SBF2: variants seen among roughly 807,000 people sequenced by gnomAD.
SBF2 encodes the protein myotubularin-related protein 13.
In SBF2, 112 loss-of-function variants were observed where a neutral mutation model predicts 225.2. The observed-to-expected ratio is 0.50, with a 90% CI of 0.43 to 0.58. The LOEUF (loss-of-function observed/expected upper bound fraction) is 0.58, where lower values mean the gene tolerates loss of function less well. SBF2 is among the 20% of genes least tolerant of loss of function. The pLI, the probability that SBF2 is intolerant of heterozygous loss-of-function variation, is 0.00. For missense variants in SBF2, 1,996 were observed against 2,206.2 expected (o/e 0.90, Z 1.91); for synonymous variants, 763 against 773.3 (o/e 0.99, Z 0.22).
chr11:10,285,929 C>T (rs113580272), intron 1 of SBF2, among the ~76,000 whole-genome samples: 1 of 152,190 alleles, frequency 6.6e-6, no homozygotes, highest in Admixed American at 6.5e-5. Flanking sequence ...AACAAGCACC[C>T]GAAAAGGTGT....
chr11:9,847,540 C>T (rs1000722677), intron 22 of SBF2, among the ~76,000 whole-genome samples: 1 of 150,598 alleles, frequency 6.6e-6, no homozygotes, highest in African/African-American at 2.4e-5. Flanking sequence ...AAATACTCCT[C>T]AAGTATTGAA....
chr11:10,191,293 T>A (rs1467732176), intron 2 of SBF2, among the ~76,000 whole-genome samples: 1 of 152,186 alleles, frequency 6.6e-6, no homozygotes. Flanking sequence ...GCAGGGTTAC[T>A]CAAGATCACA....
intron 16 of SBF2, among the ~76,000 whole-genome samples, chr11:9,936,648 A>G (rs1042676097): frequency 9.9e-5 from 15 of 152,210 alleles, no homozygotes; most frequent in African/African-American, 3.6e-4. Flanking sequence ...TTCATGTCCT[A>G]TGCAGGGATA....
chr11:9,839,572 A>G lies in SBF2; in HGVS notation c.3381T>C (p.Ser1127=), dbSNP rs1297352731. Residue 1127 remains serine, a synonymous_variant, in exon 26 of 40, where the codon AGT becomes AGC. Coordinates refer to ENST00000256190, the MANE Select transcript of SBF2 (RefSeq NM_030962.4). ...DYQRLGLGTI[S]GSSSRSRPEY... is the part of the protein sequence containing the mutation. ...CGGGTCTTGAACGGGAAGAGCTGCCACTTATGGTTCCTAAACCTAAACGCT... is the reference window on the plus strand; with the variant it reads ...CGGGTCTTGAACGGGAAGAGCTGCCGCTTATGGTTCCTAAACCTAAACGCT... 3 of 1,614,050 alleles carry G rather than the reference A, an allele frequency of 1.9e-6. No individual in the cohort carries two copies. Among genetic ancestry groups the G allele is most frequent in the Non-Finnish European group, 2.5e-6 (3 of 1,180,022 alleles).
intron 13 of SBF2, among the ~76,000 whole-genome samples, chr11:9,988,293 C>A (rs553066715): frequency 6.6e-6 from 1 of 152,234 alleles, no homozygotes; most frequent in South Asian, 2.1e-4. Flanking sequence ...AAACCTAGGA[C>A]CTGAAACTAT....
chr11:10,163,770 G>GT (rs2135219471), intron 2 of SBF2, among the ~76,000 whole-genome samples: 1 of 152,180 alleles, frequency 6.6e-6, no homozygotes, highest in African/African-American at 2.4e-5. Context: ...ATGGTTCCTG[G>GT]TATATAGTAT....
chr11:9,839,349 A>G lies in SBF2; in HGVS notation c.3455+149T>C, dbSNP rs71476850. On this transcript the variant is annotated intron_variant, in intron 26 of 39. Transcript: ENST00000256190. Reference sequence around the variant, plus strand: ...TAAGGTAATTGTTCCGAGAATGCCAATGAGATGCTTGCTCGTATCCTGGAG... The same window carrying G: ...TAAGGTAATTGTTCCGAGAATGCCAGTGAGATGCTTGCTCGTATCCTGGAG... The G allele has an allele frequency of 0.022, 17,374 of 804,826 alleles. 245 individuals carry two copies. Among genetic ancestry groups the G allele is most frequent in the Admixed American group, 0.034 (1,752 of 52,072 alleles). 49.9% of individuals were successfully genotyped at this position (804,826 alleles called of 1,614,324 possible).
chr11:10,183,370 G>T (rs1207057586), intron 2 of SBF2, among the ~76,000 whole-genome samples: 2 of 152,016 alleles, frequency 1.3e-5, no homozygotes, highest in Admixed American at 6.6e-5. Context: ...AAAAAATGGG[G>T]CTTATTGCTA....
intron 3 of SBF2, among the ~76,000 whole-genome samples, chr11:10,040,331 G>A (rs1389931243): frequency 6.6e-6 from 1 of 151,868 alleles, no homozygotes; most frequent in African/African-American, 2.4e-5. Flanking sequence ...GCCCTTAGAA[G>A]GAACACAGGT....
chr11:9,861,033 T>G (rs375898350), intron 17 of SBF2, among the ~76,000 whole-genome samples: 1 of 152,222 alleles, frequency 6.6e-6, no homozygotes, highest in South Asian at 2.1e-4. Context: ...TGAATGTCCC[T>G]TATCTGAAAT....
At chr11:10,032,620 A>G (rs192369124) in intron 3 of SBF2, among the ~76,000 whole-genome samples, 1 of 152,006 alleles carries the variant, frequency 6.6e-6, no homozygotes, top group Non-Finnish European at 1.5e-5. Context: ...CTCTCTACCC[A>G]CTTTCTCTGC....
chr11:9,803,588 C>A (rs374637714), intron 32 of SBF2, among the ~76,000 whole-genome samples: 70 of 152,160 alleles, frequency 4.6e-4, no homozygotes, highest in African/African-American at 1.6e-3. Flanking sequence ...TACATGAGAA[C>A]CTCCTATCTC....
intron 6 of SBF2, among the ~76,000 whole-genome samples, chr11:10,017,438 T>A (rs1439456339): frequency 1.3e-5 from 2 of 152,182 alleles, no homozygotes; most frequent in African/African-American, 4.8e-5. Context: ...AAAGGAGGTT[T>A]CTCATTCACT....
intron 14 of SBF2, among the ~76,000 whole-genome samples, 173 bp from the exon 15 acceptor site, chr11:9,964,055 A>T (rs1866748237): frequency 6.6e-6 from 1 of 152,154 alleles, no homozygotes; most frequent in Non-Finnish European, 1.5e-5. Flanking sequence ...GTTTGAGACA[A>T]GCCTGGGCAA....
chr11:9,860,452 T>C (rs888518908), intron 17 of SBF2, among the ~76,000 whole-genome samples: 4 of 151,906 alleles, frequency 2.6e-5, no homozygotes. Context: ...TGTAGCTTTT[T>C]TTTGTAGAAA....
intron 1 of SBF2, among the ~76,000 whole-genome samples, chr11:10,286,508 C>T (rs1056755811): frequency 2.6e-5 from 4 of 151,900 alleles, no homozygotes; most frequent in Admixed American, 6.6e-5. Context: ...TACAGGTGCA[C>T]GCCACCACAC....
chr11:10,040,709 C>T (rs1182716106), intron 3 of SBF2, among the ~76,000 whole-genome samples: 1 of 150,480 alleles, frequency 6.6e-6, no homozygotes, highest in African/African-American at 2.4e-5. Flanking sequence ...ACCTCTGAAG[C>T]ATATACTAAA....
Position 10,002,685 on chromosome 11 carries a change from A to C in SBF2, c.624T>G (p.Ile208Met). The change falls in exon 7 of 40, where the codon ATT (isoleucine) becomes ATG (methionine). Residue 208 changes from isoleucine to methionine, a missense_variant. Physicochemically the swap from Ile to Met is conservative, Grantham distance 10. Transcript: ENST00000256190. Reference sequence around the variant, plus strand: ...CACAAAAGAGGCTGAGGACATTTTGAATTCCTGAAAACATAAGAGCAAGGA... The same window carrying C: ...CACAAAAGAGGCTGAGGACATTTTGCATTCCTGAAAACATAAGAGCAAGGA... Reference protein sequence around the residue: ...SVALLFQQLGIQNVLSLFCAV... With the variant: ...SVALLFQQLGMQNVLSLFCAV... The C allele has an allele frequency of 6.2e-7, 1 of 1,613,238 alleles. No individual in the cohort carries two copies. The highest frequency in any genetic ancestry group is 1.3e-5 in the African/African-American group (1 of 75,026).
chr11:9,966,182 T>A (rs1230346194), intron 14 of SBF2, among the ~76,000 whole-genome samples: 2 of 151,852 alleles, frequency 1.3e-5, no homozygotes. Context: ...GCCTCCTGGG[T>A]TCAAGTGATT....
Sources: allele counts gnomAD v4.1 joint callset (sites outside exome capture counted in the v4.1 genomes callset), GRCh38; gene constraint gnomAD v4.1.1; transcripts MANE v1.5; gene names NCBI Gene and HGNC (gene_info 2026-07-23, HGNC 2026-07-21).